CD200R1L: variants seen among roughly 807,000 people sequenced by gnomAD.
The protein encoded by CD200R1L is cell surface glycoprotein CD200 receptor 2.
CD200R1L carries 14 observed loss-of-function variants against 24.8 expected under a neutral mutation model. That is an observed-to-expected ratio of 0.56 (90% CI 0.37 to 0.88). The LOEUF is 0.88. CD200R1L is among the 40% of genes least tolerant of loss of function. The probability of loss-of-function intolerance (pLI) is 0.00; values close to 1 mark genes in which losing one functional copy is unlikely to be tolerated. For missense variants in CD200R1L, 299 were observed against 297.8 expected, an observed-to-expected ratio of 1.00 and a Z score of -0.03; for synonymous variants, 111 against 109.2, an observed-to-expected ratio of 1.02 and a Z score of -0.11.
intron 2 of CD200R1L, among the ~76,000 whole-genome samples, chr3:112,839,320 A>G (rs1939029581): frequency 1.3e-5 from 2 of 152,242 alleles, no homozygotes; most frequent in African/African-American, 4.8e-5. Flanking sequence ...TGAAGTAACA[A>G]TAGAGATATG....
At chr3:112,822,668 C>T (rs1257386575) in intron 6 of CD200R1L, among the ~76,000 whole-genome samples, 1 of 152,026 alleles carries the variant, frequency 6.6e-6, no homozygotes. Flanking sequence ...GGACACTTTA[C>T]AATAAATTAG....
At chr3:112,817,875 G>C (rs905331155) in intron 7 of CD200R1L, among the ~76,000 whole-genome samples, 1 of 152,224 alleles carries the variant, frequency 6.6e-6, no homozygotes, top group Non-Finnish European at 1.5e-5. Flanking sequence ...TGGACTTACA[G>C]TTCCACATGG....
At chr3:112,828,293 A>ATTTAGATAATTACATGTTTTG (rs1559922833) in intron 4 of CD200R1L, among the ~76,000 whole-genome samples, 3 of 152,182 alleles carry the variant, frequency 2.0e-5, no homozygotes, top group Admixed American at 2.0e-4. Context: ...GACATGTTTT[A>ATTTAGATAATTACATGTTTTG]TTTAGATAAT....
rs779461488 is a variant in CD200R1L at position 112,827,234 on chromosome 3, G to T, written c.375C>A (p.Pro125=). ...RGYHLQVLVT[P]EVNLFQSRNI... ...TCCTGCTTTGAAATAGGTTCACTTC[G>T]GGTGTAACTGCAGAGAGGAAAGAGG... Residue 125 remains proline (P), a synonymous_variant, in exon 6 of 8, where the codon CCC becomes CCA. Transcript: ENST00000488794. The T allele has an allele frequency of 8.7e-6, 14 of 1,610,056 alleles. No individual in the cohort carries two copies. Among genetic ancestry groups the T allele is most frequent in the Admixed American group, 1.7e-5 (1 of 59,716 alleles).
intron 6 of CD200R1L, among the ~76,000 whole-genome samples, chr3:112,824,205 A>G (rs1938606921): frequency 6.6e-6 from 1 of 152,230 alleles, no homozygotes; most frequent in Non-Finnish European, 1.5e-5. Context: ...TAAGAAAAAA[A>G]TTAAGGTAAA....
chr3:112,839,668 G>A (rs1939035224), intron 2 of CD200R1L, among the ~76,000 whole-genome samples: 1 of 152,116 alleles, frequency 6.6e-6, no homozygotes. Context: ...GCTGGAGTGA[G>A]GTTCTTGATT....
At chr3:112,845,245 A>G (rs1378444960) in intron 2 of CD200R1L, among the ~76,000 whole-genome samples, 2 of 152,196 alleles carry the variant, frequency 1.3e-5, no homozygotes, top group African/African-American at 4.8e-5. Context: ...GTCCTCGGAG[A>G]CTATTATAAA....
chr3:112,831,477 T>C (rs1471145723), intron 3 of CD200R1L, among the ~76,000 whole-genome samples: 1 of 152,234 alleles, frequency 6.6e-6, no homozygotes, highest in East Asian at 1.9e-4. Flanking sequence ...TTGAATTGTA[T>C]ATCTGAAAAT....
chr3:112,836,390 GC>G (rs1485005152), intron 3 of CD200R1L, among the ~76,000 whole-genome samples: 3 of 152,260 alleles, frequency 2.0e-5, no homozygotes, highest in African/African-American at 7.2e-5. Context: ...GCCCGCCACT[GC>G]ATCAATAGGA....
intron 6 of CD200R1L, among the ~76,000 whole-genome samples, chr3:112,824,551 A>G (rs984703518): frequency 6.6e-6 from 1 of 152,236 alleles, no homozygotes; most frequent in African/African-American, 2.4e-5. Context: ...GAATAAGAAG[A>G]TGGACAAAGA....
intron 3 of CD200R1L, among the ~76,000 whole-genome samples, chr3:112,835,898 C>T (rs1576095686): frequency 1.3e-5 from 2 of 152,384 alleles, no homozygotes; most frequent in South Asian, 2.1e-4. Flanking sequence ...AGGCCTCCCA[C>T]TTGTTCCCAG....
At chr3:112,845,323 C>T (rs1576101142) in intron 2 of CD200R1L, among the ~76,000 whole-genome samples, 1 of 152,262 alleles carries the variant, frequency 6.6e-6, no homozygotes, top group Non-Finnish European at 1.5e-5. Context: ...ACACAACCTC[C>T]CAAGATTGAA....
At chr3:112,832,013 A>AT (rs1275697302) in intron 3 of CD200R1L, among the ~76,000 whole-genome samples, 1 of 152,170 alleles carries the variant, frequency 6.6e-6, no homozygotes, top group Non-Finnish European at 1.5e-5. Flanking sequence ...ATTGTAACTC[A>AT]TTTTTACCGA....
At chr3:112,825,664 G>A (rs573211064) in intron 6 of CD200R1L, among the ~76,000 whole-genome samples, 55 of 152,118 alleles carry the variant, frequency 3.6e-4, no homozygotes, top group Middle Eastern at 3.4e-3. Context: ...AAGAGTTAAT[G>A]TTTGAGGAAG....
intron 4 of CD200R1L, among the ~76,000 whole-genome samples, chr3:112,828,539 T>C (rs7637319): frequency 0.28 from 42,804 of 152,086 alleles, 7,254 homozygotes; most frequent in African/African-American, 0.46. Context: ...CATTGTCAAA[T>C]ATAGCCTTTG....
At chr3:112,842,868 T>G (rs1939114551) in intron 2 of CD200R1L, among the ~76,000 whole-genome samples, 1 of 152,240 alleles carries the variant, frequency 6.6e-6, no homozygotes, top group African/African-American at 2.4e-5. Flanking sequence ...TTCTGTTGTT[T>G]AAGATGTTTA....
At chr3:112,819,378 T>C (rs1938477997) in intron 7 of CD200R1L, among the ~76,000 whole-genome samples, 2 of 152,218 alleles carry the variant, frequency 1.3e-5, no homozygotes. Context: ...TCCAGCTCTT[T>C]CGATTTTCAT....
At position 112,845,678 on chromosome 3, in the gene CD200R1L, C is replaced by G; in HGVS notation, c.-87+1G>C. The G allele has an allele frequency of 6.2e-7, 1 of 1,611,598 alleles. No individual in the cohort carries two copies. The highest frequency in any genetic ancestry group is 1.7e-5 in the Admixed American group (1 of 59,954). On this transcript the variant is annotated splice_donor_variant, in intron 2 of 7. Coordinates refer to ENST00000488794, the MANE Select transcript of CD200R1L (RefSeq NM_001199215.3). LOFTEE classifies it low-confidence loss of function (5UTR_SPLICE). The stretch of plus-strand genomic sequence containing the variant: ...TGAAAATGTCACAGTATCAGACTTA[C>G]CAGACACCATGATAATGATGGAAAT...
chr3:112,837,301 C>A (rs1182457829), intron 3 of CD200R1L, among the ~76,000 whole-genome samples: 2 of 152,042 alleles, frequency 1.3e-5, no homozygotes, highest in African/African-American at 4.8e-5. Context: ...AAAATCAGTT[C>A]TTGGAATCAT....
Sources: allele counts gnomAD v4.1 joint callset (sites outside exome capture counted in the v4.1 genomes callset), GRCh38; gene constraint gnomAD v4.1.1; transcripts MANE v1.5; gene names NCBI Gene and HGNC (gene_info 2026-07-23, HGNC 2026-07-21).